SRD5A2: variants seen among roughly 807,000 people sequenced by gnomAD.
The protein encoded by SRD5A2 is steroid 5 alpha-reductase 2.
SRD5A2 carries 30 observed loss-of-function variants against 27.4 expected under a neutral mutation model. That is an observed-to-expected ratio of 1.10 (90% confidence interval 0.82 to 1.49). The LOEUF is 1.49. SRD5A2 is among the 40% of genes most tolerant of loss of function. The pLI is 0.00. For synonymous variants in SRD5A2, 141 were observed against 133.6 expected, an observed-to-expected ratio of 1.06 and a Z score of -0.38; for missense variants, 348 against 323.4, an observed-to-expected ratio of 1.08 and a Z score of -0.58.
rs373049666 is a variant in SRD5A2, at chr2:31,578,889, T to C, written c.281+1731A>G. On this transcript the variant is annotated intron_variant, in intron 1 of 4. Transcript: ENST00000622030. ...TAATATGATTGTCACAAAACACTAA[T>C]CATTAAGATGAAATGACCTCATAAA... is the stretch of plus-strand genomic sequence containing the variant. Among the ~76,000 whole-genome samples, 15 of 152,210 alleles carry C rather than the reference T, an allele frequency of 9.9e-5. 1 individual carries two copies. Among genetic ancestry groups the C allele is most frequent in the Admixed American group, 8.5e-4 (13 of 15,284 alleles).
At chr2:31,553,550 C>A (rs1303350578) in intron 1 of SRD5A2, among the ~76,000 whole-genome samples, 1 of 152,170 alleles carries the variant, frequency 6.6e-6, no homozygotes, top group Non-Finnish European at 1.5e-5. Flanking sequence ...ACGTCACATA[C>A]AAGGACACAT....
the SRD5A2 span, among the ~76,000 whole-genome samples, chr2:31,588,817 A>G: frequency 6.6e-6 from 1 of 152,188 alleles, no homozygotes. Flanking sequence ...CAACAAACCA[A>G]TAAAAAATCA....
chr2:31,529,486 C>T lies in SRD5A2; in HGVS notation c.548-29G>A, dbSNP rs778196862. 3.1e-6 allele frequency: 5 copies of T among 1,606,230 alleles called. No individual in the cohort carries two copies. The South Asian group carries it at 5.6e-5, about 18-fold the overall frequency. On this transcript the variant is annotated intron_variant, in intron 3 of 4. Transcript: ENST00000622030. ...CGTGCAGAAGAATCGGAAGGTCAAT[C>T]ATTGCAACTGAATCATTTTGACATT...
chr2:31,589,492 G>A, the SRD5A2 span, among the ~76,000 whole-genome samples: 3 of 152,190 alleles, frequency 2.0e-5, no homozygotes, highest in Non-Finnish European at 2.9e-5. Context: ...AGACACCTTG[G>A]CACCTGCCCT....
At chr2:31,603,449 T>G in the SRD5A2 span, among the ~76,000 whole-genome samples, 1 of 152,124 alleles carries the variant, frequency 6.6e-6, no homozygotes, top group Non-Finnish European at 1.5e-5. Flanking sequence ...TTGGTGGGAA[T>G]GTAAATTAGT....
intron 1 of SRD5A2, among the ~76,000 whole-genome samples, chr2:31,537,680 C>G (rs897394067): frequency 3.9e-5 from 6 of 152,150 alleles, no homozygotes; most frequent in Non-Finnish European, 8.8e-5. Flanking sequence ...GTGATCACAT[C>G]TAGACATATC....
intron 1 of SRD5A2, among the ~76,000 whole-genome samples, chr2:31,549,081 A>ACTT: frequency 7.6e-6 from 1 of 131,378 alleles, no homozygotes; most frequent in Admixed American, 7.7e-5. Context: ...AAGTAGAGGG[A>ACTT]ATTATTATTA....
At position 31,529,340 on chromosome 2, in the gene SRD5A2, C is replaced by T; in HGVS notation, c.665G>A (p.Cys222Tyr). Reference sequence around the variant, plus strand: ...GTGAAAAGCTCGCAGCCCAAGGAAACAAAGTGAGAAAAATGCAAATGCAAG... The same window carrying T: ...GTGAAAAGCTCGCAGCCCAAGGAAATAAAGTGAGAAAAATGCAAATGCAAG... ...PALAFAFFSL[C>Y]FLGLRAFHHH... The change falls in exon 4 of 5, where the codon TGT becomes TAT. Residue 222 changes from cysteine to tyrosine, a missense_variant. By Grantham distance (194) the Cys-to-Tyr change is radical. Transcript: ENST00000622030. 3.1e-6 allele frequency: 5 copies of T among 1,613,826 alleles called. No individual in the cohort carries two copies. Among genetic ancestry groups the T allele is most frequent in the Non-Finnish European group, 4.2e-6 (5 of 1,179,802 alleles).
At chr2:31,582,968 TC>T (rs537979700), upstream of SRD5A2, among the ~76,000 whole-genome samples, 345 of 152,308 alleles carry the variant, frequency 2.3e-3, 4 homozygotes, top group Middle Eastern at 3.4e-3. Flanking sequence ...AATTTCTTCC[TC>T]TCTTTTCTTC....
intron 1 of SRD5A2, among the ~76,000 whole-genome samples, chr2:31,536,546 G>A (rs1666030422): frequency 6.6e-6 from 1 of 152,218 alleles, no homozygotes; most frequent in African/African-American, 2.4e-5. Flanking sequence ...GGGAAATGCA[G>A]CTGATTGGGT....
At position 31,523,541 on chromosome 2, in the gene SRD5A2, C is replaced by G. The variant is rs1178370558; in HGVS notation, c.*2655G>C. ...GTGAAGTGGTAGGAATAGCTGATGT[C>G]TGAGGTCTGCTTCAGCTCTTTAAGT... On this transcript the variant is annotated 3_prime_UTR_variant, in exon 5 of 5. Coordinates refer to ENST00000622030, the MANE Select transcript of SRD5A2 (RefSeq NM_000348.4). The G allele has an allele frequency of 4.5e-6, 1 of 220,488 alleles. No individual in the cohort carries two copies. Among genetic ancestry groups the G allele is most frequent in the Non-Finnish European group, 9.1e-6 (1 of 110,078 alleles). 13.7% of individuals were successfully genotyped at this position (220,488 alleles called of 1,614,324 possible).
At chr2:31,631,776 T>C in the SRD5A2 span, among the ~76,000 whole-genome samples, 2 of 152,154 alleles carry the variant, frequency 1.3e-5, no homozygotes, top group South Asian at 2.1e-4. Context: ...GTCAGGTCAA[T>C]GATAGGATGA....
the SRD5A2 span, among the ~76,000 whole-genome samples, chr2:31,654,392 T>C: frequency 6.6e-6 from 1 of 152,118 alleles, no homozygotes; most frequent in African/African-American, 2.4e-5. Flanking sequence ...GCAAACATAA[T>C]AGTGGAAAAA....
At chr2:31,626,959 T>G in the SRD5A2 span, among the ~76,000 whole-genome samples, 1 of 152,212 alleles carries the variant, frequency 6.6e-6, no homozygotes, top group South Asian at 2.1e-4. Flanking sequence ...GTACCTCTGG[T>G]AGAATTTGGC....
the SRD5A2 span, among the ~76,000 whole-genome samples, chr2:31,613,543 A>T: frequency 5.3e-5 from 8 of 152,340 alleles, no homozygotes; most frequent in Non-Finnish European, 1.2e-4. Flanking sequence ...TGGAGAAAAT[A>T]AAACCCTTGT....
At chr2:31,595,300 A>T in the SRD5A2 span, among the ~76,000 whole-genome samples, 1 of 152,194 alleles carries the variant, frequency 6.6e-6, no homozygotes, top group African/African-American at 2.4e-5. Context: ...AAATTGATAG[A>T]CCATTAGTGA....
At chr2:31,590,038 C>G in the SRD5A2 span, among the ~76,000 whole-genome samples, 1 of 152,076 alleles carries the variant, frequency 6.6e-6, no homozygotes, top group Non-Finnish European at 1.5e-5. Context: ...TAGAGGCACC[C>G]ATAATCCCCC....
At chr2:31,535,617 C>T (rs1265542469) in intron 1 of SRD5A2, among the ~76,000 whole-genome samples, 3 of 152,126 alleles carry the variant, frequency 2.0e-5, no homozygotes. Flanking sequence ...CTGCTGTCTC[C>T]CTCTCCCCTT....
chr2:31,554,556 G>A (rs998743651), intron 1 of SRD5A2, among the ~76,000 whole-genome samples: 9 of 152,132 alleles, frequency 5.9e-5, no homozygotes, highest in Non-Finnish European at 1.3e-4. Flanking sequence ...AAACAAATGT[G>A]GAAAAACAGA....
Sources: gnomAD v4.1 joint callset for allele counts (sites outside exome capture counted in the v4.1 genomes callset) on GRCh38, gnomAD v4.1.1 for gene constraint, MANE v1.5 for transcripts, NCBI Gene and HGNC (gene_info 2026-07-23, HGNC 2026-07-21) for gene names.